PPP6R2: variants seen among roughly 807,000 people sequenced by gnomAD.
PPP6R2 encodes the protein serine/threonine-protein phosphatase 6 regulatory subunit 2.
PPP6R2 carries 62 observed loss-of-function variants against 100.2 expected under a neutral mutation model. The ratio of observed to expected loss-of-function variants is 0.62; its 90% CI spans 0.50 to 0.76. The LOEUF is 0.76. Ranked by LOEUF, PPP6R2 falls within the 30% of genes least tolerant of loss-of-function variation. The pLI is 0.00. For synonymous variants in PPP6R2, 525 were observed against 514.7 expected, an observed-to-expected ratio of 1.02 and a Z score of -0.27; for missense variants, 1,142 against 1,276.3, an observed-to-expected ratio of 0.89 and a Z score of 1.60.
At chr22:50,436,330 GTC>G in intron 13 of PPP6R2, 35 bp from the exon 14 acceptor site, 1 of 1,545,670 alleles carries the variant, frequency 6.5e-7, no homozygotes. Flanking sequence ...TCTGCACGGG[GTC>G]TCCCAGGGCT....
Position 50,431,350 on chromosome 22 carries a change from G to T in PPP6R2, c.1303G>T (p.Ala435Ser). The T allele has an allele frequency of 6.2e-7, 1 of 1,612,768 alleles. No individual in the cohort carries two copies. Among genetic ancestry groups the T allele is most frequent in the African/African-American group, 1.3e-5 (1 of 75,044 alleles). The change falls in exon 11 of 24, where the codon GCC (alanine) becomes TCC (serine). Residue 435 changes from alanine to serine, a missense_variant. This residue lies in a region of PPP6R2 where 592 missense variants were observed against 758.9 expected (regional missense o/e 0.78). Transcript: ENST00000612753. This position sits in a 1 kb window ranked among gnomAD's most constrained non-coding sequence, Gnocchi z 4.8. ...NRSLETPQPA[A>S]SLPDNTMVTH... is the part of the protein sequence containing the mutation. ...GAGCCTGGAGACTCCCCAGCCGGCC[G>T]CCAGCCTCCCTGACAACACAATGGT...
chr22:50,434,929 G>A (rs770619720), intron 12 of PPP6R2, 37 bp from the exon 13 acceptor site: 10 of 1,573,560 alleles, frequency 6.4e-6, no homozygotes, highest in Admixed American at 1.7e-5. Context: ...CAAGGTCGGG[G>A]CCAGGAGGCC....
chr22:50,413,427 GA>G (rs2060051874), intron 4 of PPP6R2, among the ~76,000 whole-genome samples: 1 of 152,128 alleles, frequency 6.6e-6, no homozygotes, highest in Admixed American at 6.6e-5. Context: ...TCAGAAGGTG[GA>G]GGCTGCAGTG....
At chr22:50,338,173 G>T in the PPP6R2 span, among the ~76,000 whole-genome samples, 7 of 135,826 alleles carry the variant, frequency 5.2e-5, no homozygotes, top group Non-Finnish European at 1.1e-4. Context: ...GATGTGTGAG[G>T]TGTGTGTGTG....
chr22:50,406,675 C>T lies in PPP6R2; in HGVS notation c.228-14C>T. The T allele has an allele frequency of 6.2e-7, 1 of 1,609,624 alleles. No homozygotes were observed. Among genetic ancestry groups the T allele is most frequent in the South Asian group, 1.1e-5 (1 of 91,012 alleles). ...TCTAATTTCACCTCCAGTGCTTGGA[C>T]TGTGCCCTTTTAGATATCCAAACAC... is the stretch of plus-strand genomic sequence containing the variant. On this transcript the variant is annotated splice_polypyrimidine_tract_variant and intron_variant, in intron 3 of 23. Coordinates refer to ENST00000612753, the MANE Select transcript of PPP6R2 (RefSeq NM_001242898.2).
rs765028351 is a variant in PPP6R2 at position 50,444,224 on chromosome 22, G to T, written c.2857G>T (p.Ala953Ser). Residue 953 changes from alanine (A) to serine (S), a missense_variant, in exon 24 of 24, where the codon GCT becomes TCT. This residue lies in a region of PPP6R2 where 550 missense variants were observed against 517.4 expected (regional missense o/e 1.06). Transcript: ENST00000612753. ...GAAGACAGATGCCCCGCCAGAAGGAGCTGCCTTAAATGGCCCAGTGTGATG... is the reference window on the plus strand; with the variant it reads ...GAAGACAGATGCCCCGCCAGAAGGATCTGCCTTAAATGGCCCAGTGTGATG... Reference protein sequence around the residue: ...DGKTDAPPEGAALNGPV With the variant: ...DGKTDAPPEGSALNGPV 6.2e-7 allele frequency: 1 copy of T among 1,613,220 alleles called. No individual in the cohort carries two copies. The highest frequency in any genetic ancestry group is 8.5e-7 in the Non-Finnish European group (1 of 1,179,890).
intron 2 of PPP6R2, among the ~76,000 whole-genome samples, chr22:50,389,423 A>T (rs2054949115): frequency 6.6e-6 from 1 of 152,188 alleles, no homozygotes; most frequent in Non-Finnish European, 1.5e-5. Context: ...GGAAAAAAGA[A>T]GTATGTAATA....
At chr22:50,338,907 T>G, upstream of PPP6R2, among the ~76,000 whole-genome samples, 1 of 97,148 alleles carries the variant, frequency 1.0e-5, no homozygotes, top group South Asian at 3.9e-4. Flanking sequence ...GTGTGGTGTG[T>G]GTGGTAGTGT....
At chr22:50,355,178 ACTC>A (rs927490706) in intron 1 of PPP6R2, among the ~76,000 whole-genome samples, 5 of 146,612 alleles carry the variant, frequency 3.4e-5, no homozygotes, top group Admixed American at 3.4e-4. Flanking sequence ...GTTTAGGGAT[ACTC>A]CTCCTATATT....
In PPP6R2 at chr22:50,372,165, T is replaced by A. The variant is rs1397702950; in HGVS notation, c.-17+15T>A. On this transcript the variant is annotated intron_variant, in intron 2 of 23. Coordinates refer to ENST00000612753, the MANE Select transcript of PPP6R2 (RefSeq NM_001242898.2). ...TTCCACAGAAGGTAAGATAAGTTTC[T>A]TTTTCAATTTGATTCTGTTTTATTG... 1 of 152,236 alleles carries A rather than the reference T, an allele frequency of 6.6e-6. No individual in the cohort carries two copies. The highest frequency in any genetic ancestry group is 1.5e-5 in the Non-Finnish European group (1 of 68,038). 9.4% of individuals were successfully genotyped at this position (152,236 alleles called of 1,614,324 possible). A position where few individuals can be genotyped will look rare whatever the true frequency, so the allele number is the denominator to read the frequency against.
intron 21 of PPP6R2, 110 bp from the exon 22 acceptor site, chr22:50,440,712 C>A: frequency 1.6e-6 from 2 of 1,254,908 alleles, no homozygotes; most frequent in Non-Finnish European, 2.3e-6. Flanking sequence ...TGTGTGCAGG[C>A]AACAGGCTGC....
At chr22:50,349,195 C>CA (rs892504600) in intron 1 of PPP6R2, among the ~76,000 whole-genome samples, 2,690 of 61,398 alleles carry the variant, frequency 0.044, 60 homozygotes, top group East Asian at 0.054. Context: ...GACTTCCTCT[C>CA]AAAAAAAAAA....
At chr22:50,435,979 C>T (rs1431387816) in intron 13 of PPP6R2, among the ~76,000 whole-genome samples, 4 of 152,198 alleles carry the variant, frequency 2.6e-5, no homozygotes, top group Admixed American at 2.0e-4. Context: ...TGAGTTTGGG[C>T]CTGTGAGGTG....
At chr22:50,390,998 C>CAAA (rs1159505649) in intron 2 of PPP6R2, among the ~76,000 whole-genome samples, 1 of 97,176 alleles carries the variant, frequency 1.0e-5, no homozygotes, top group African/African-American at 3.7e-5. Context: ...AACTCCGTCT[C>CAAA]AAAAAAAAAA....
chr22:50,393,076 C>T (rs1266411882), intron 2 of PPP6R2, among the ~76,000 whole-genome samples: 2 of 152,150 alleles, frequency 1.3e-5, no homozygotes, highest in Non-Finnish European at 2.9e-5. Context: ...TGCTAACCAG[C>T]CCTGGCCTGC....
intron 2 of PPP6R2, among the ~76,000 whole-genome samples, chr22:50,380,550 G>A (rs960426835): frequency 2.7e-5 from 4 of 150,932 alleles, no homozygotes; most frequent in Non-Finnish European, 4.4e-5. Context: ...TAGTAGAGAC[G>A]GGGTTTCACT....
chr22:50,444,652 T>G lies in PPP6R2; in HGVS notation c.*405T>G. 1 of 220,344 alleles carries G rather than the reference T, an allele frequency of 4.5e-6. No individual in the cohort carries two copies. 13.6% of individuals were successfully genotyped at this position (220,344 alleles called of 1,614,324 possible). On this transcript the variant is annotated 3_prime_UTR_variant, in exon 24 of 24. Transcript: ENST00000612753. ...TTGTTGTTGTTTTGTTTTTAAAGAA[T>G]ACAGAAGGAGCCAAGCTTTTTTGCA...
chr22:50,367,491 T>G (rs2148440461), intron 1 of PPP6R2, among the ~76,000 whole-genome samples: 1 of 151,614 alleles, frequency 6.6e-6, no homozygotes, highest in East Asian at 1.9e-4. Context: ...GGATGAGGGG[T>G]GGATGCTTAG....
chr22:50,371,756 C>A (rs976966383), intron 1 of PPP6R2, among the ~76,000 whole-genome samples: 2 of 152,140 alleles, frequency 1.3e-5, no homozygotes, highest in Non-Finnish European at 2.9e-5. Flanking sequence ...CCCGCCTCAG[C>A]CTCCCGAGTA....
Sources: gnomAD v4.1 joint callset for allele counts (sites outside exome capture counted in the v4.1 genomes callset) on GRCh38, gnomAD v4.1.1 for gene constraint, gnomAD v4.1.1 regional missense constraint, Gnocchi (gnomAD v3.1) non-coding constraint, MANE v1.5 for transcripts, NCBI Gene and HGNC (gene_info 2026-07-23, HGNC 2026-07-21) for gene names.